CSMD3: variants seen among roughly 807,000 people sequenced by gnomAD.
The protein encoded by CSMD3 is CUB and sushi domain-containing protein 3.
A neutral mutation model predicts 435.2 loss-of-function variants in CSMD3; 177 were observed. The observed-to-expected ratio is 0.41, with a 90% CI of 0.36 to 0.46. The LOEUF (loss-of-function observed/expected upper bound fraction) is 0.46. Ranked by LOEUF, CSMD3 falls within the 20% of genes least tolerant of loss-of-function variation. The probability of loss-of-function intolerance (pLI) is 0.34; values close to 1 mark genes in which losing one functional copy is unlikely to be tolerated. For synonymous variants in CSMD3, 1,656 were observed against 1,520.5 expected (o/e 1.09, Z -2.07); for missense variants, 4,265 against 4,504.6 (o/e 0.95, Z 1.52).
chr8:112,965,503 C>T (rs1164508592), intron 7 of CSMD3, among the ~76,000 whole-genome samples: 2 of 151,750 alleles, frequency 1.3e-5, no homozygotes, highest in Non-Finnish European at 2.9e-5. Context: ...TCCTTAAAGA[C>T]CTACTCAAAG....
chr8:112,847,513 C>A (rs540814346), intron 11 of CSMD3, among the ~76,000 whole-genome samples: 1 of 152,120 alleles, frequency 6.6e-6, no homozygotes, highest in Non-Finnish European at 1.5e-5. Context: ...TCTTGTCCTG[C>A]CTCTCCCACT....
intron 1 of CSMD3, among the ~76,000 whole-genome samples, chr8:113,411,871 T>C (rs1436778356): frequency 6.6e-6 from 1 of 152,108 alleles, no homozygotes; most frequent in African/African-American, 2.4e-5. Context: ...TTAAAAAAAA[T>C]TCCAACAACT....
intron 3 of CSMD3, among the ~76,000 whole-genome samples, chr8:113,201,463 CTTGAG>C (rs1373225212): frequency 2.6e-5 from 4 of 151,908 alleles, no homozygotes; most frequent in Non-Finnish European, 5.9e-5. Flanking sequence ...AACATTAAAA[CTTGAG>C]TTAAAGAATA....
At chr8:112,374,258 T>G (rs1426781317) in intron 38 of CSMD3, among the ~76,000 whole-genome samples, 1 of 152,134 alleles carries the variant, frequency 6.6e-6, no homozygotes, top group African/African-American at 2.4e-5. Context: ...GGCACAGATC[T>G]CCCCACTATC....
At chr8:113,267,444 A>G (rs1786178094) in intron 3 of CSMD3, among the ~76,000 whole-genome samples, 1 of 151,774 alleles carries the variant, frequency 6.6e-6, no homozygotes, top group African/African-American at 2.4e-5. Flanking sequence ...CATTTGCAGC[A>G]ACATCGATGG....
At chr8:113,164,697 T>C (rs999384781) in intron 4 of CSMD3, among the ~76,000 whole-genome samples, 2 of 152,068 alleles carry the variant, frequency 1.3e-5, no homozygotes, top group Non-Finnish European at 2.9e-5. Context: ...AGAACTTTCA[T>C]CACTGAATGG....
chr8:112,335,910 T>TTTTA (rs1369802021), intron 44 of CSMD3, among the ~76,000 whole-genome samples: 5 of 151,948 alleles, frequency 3.3e-5, no homozygotes, highest in East Asian at 1.9e-4. Flanking sequence ...TTTAATACAT[T>TTTTA]TTTATTTATT....
At chr8:113,092,038 T>C (rs1343237672) in intron 5 of CSMD3, among the ~76,000 whole-genome samples, 1 of 152,066 alleles carries the variant, frequency 6.6e-6, no homozygotes, top group Non-Finnish European at 1.5e-5. Flanking sequence ...CACTCTGTGA[T>C]ATTCAATCAC....
intron 6 of CSMD3, among the ~76,000 whole-genome samples, chr8:113,004,203 GA>G (rs1209084417): frequency 6.6e-6 from 1 of 151,170 alleles, no homozygotes; most frequent in African/African-American, 2.4e-5. Context: ...CCTCTTGTAG[GA>G]AAAAAAACAA....
chr8:112,703,139 T>TC (rs1356816548), intron 13 of CSMD3, among the ~76,000 whole-genome samples: 2 of 152,180 alleles, frequency 1.3e-5, no homozygotes, highest in African/African-American at 4.8e-5. Flanking sequence ...ACATGTTGCC[T>TC]CCACTGTCAG....
intron 4 of CSMD3, among the ~76,000 whole-genome samples, chr8:113,172,543 T>G (rs188394769): frequency 3.4e-4 from 52 of 152,296 alleles, no homozygotes; most frequent in African/African-American, 1.1e-3. Context: ...TCTTATTTAA[T>G]CCTCACAAGA....
chr8:113,097,027 T>C (rs943064147), intron 5 of CSMD3, among the ~76,000 whole-genome samples: 4 of 152,082 alleles, frequency 2.6e-5, no homozygotes, highest in Non-Finnish European at 5.9e-5. Flanking sequence ...GGCTCCTTGT[T>C]GATGGATGAC....
intron 27 of CSMD3, among the ~76,000 whole-genome samples, chr8:112,548,579 C>CA (rs1827396121): frequency 2.0e-5 from 3 of 151,880 alleles, no homozygotes; most frequent in Admixed American, 2.0e-4. Flanking sequence ...TTTCTTTGGG[C>CA]AATGAGAATG....
intron 3 of CSMD3, among the ~76,000 whole-genome samples, chr8:113,278,113 A>T (rs1473122875): frequency 1.3e-5 from 2 of 151,920 alleles, no homozygotes; most frequent in Non-Finnish European, 2.9e-5. Flanking sequence ...TTTGAGAAAT[A>T]TTTAGTTGTC....
chr8:112,982,436 C>A (rs1184785411), intron 6 of CSMD3, among the ~76,000 whole-genome samples: 1 of 151,918 alleles, frequency 6.6e-6, no homozygotes, highest in East Asian at 1.9e-4. Flanking sequence ...AATCCTGAAT[C>A]TTTAGATCTT....
At chr8:113,404,536 T>C (rs1285125036) in intron 1 of CSMD3, among the ~76,000 whole-genome samples, 1 of 151,334 alleles carries the variant, frequency 6.6e-6, no homozygotes, top group African/African-American at 2.4e-5. Flanking sequence ...TAGAGAGAGA[T>C]TATATAGAAT....
At chr8:112,840,771 G>A (rs1267153693) in intron 11 of CSMD3, among the ~76,000 whole-genome samples, 1 of 151,576 alleles carries the variant, frequency 6.6e-6, no homozygotes, top group African/African-American at 2.4e-5. Flanking sequence ...TTTGTGAACT[G>A]TGCTTCAAAT....
At chr8:112,785,935 T>C (rs1024362376) in intron 13 of CSMD3, among the ~76,000 whole-genome samples, 18 of 151,990 alleles carry the variant, frequency 1.2e-4, no homozygotes, top group Non-Finnish European at 1.0e-4. Context: ...AATCCTAAAA[T>C]GTATATGGAA....
At position 113,187,816 on chromosome 8, in the gene CSMD3, G is replaced by A. The variant is rs1313996708; in HGVS notation, c.515-13900C>T. Among the ~76,000 whole-genome samples, 4 of 151,792 alleles carry A rather than the reference G, an allele frequency of 2.6e-5. No individual in the cohort carries two copies. The East Asian group carries it at 7.8e-4, about 30-fold the overall frequency. ...ACACAATTCTTCTGTGTCCATAAAA[G>A]GAAGTCCAATTTCTCACCTGATGAT... is the stretch of plus-strand genomic sequence containing the variant. On this transcript the variant is annotated intron_variant, in intron 3 of 70. Transcript: ENST00000297405.
Sources: gnomAD v4.1 joint callset for allele counts (sites outside exome capture counted in the v4.1 genomes callset) on GRCh38, gnomAD v4.1.1 for gene constraint, MANE v1.5 for transcripts, NCBI Gene and HGNC (gene_info 2026-07-23, HGNC 2026-07-21) for gene names.